Variants in IL1RN observed in about 807,000 individuals in gnomAD.
IL1RN encodes the protein interleukin-1 receptor antagonist protein.
In IL1RN, 10 loss-of-function variants were observed where a neutral mutation model predicts 13.7. The observed-to-expected ratio is 0.73, with a 90% CI of 0.45 to 1.24. The LOEUF (loss-of-function observed/expected upper bound fraction) is 1.24. Ranked by LOEUF, IL1RN falls within the 50% of genes most tolerant of loss-of-function variation. The pLI is 0.00. For missense variants in IL1RN, 213 were observed against 222.1 expected (o/e 0.96, Z 0.26); for synonymous variants, 102 against 82.7 (o/e 1.23, Z -1.27).
At chr2:113,116,542 C>T (rs895026251), upstream of IL1RN, among the ~76,000 whole-genome samples, 4 of 152,196 alleles carry the variant, frequency 2.6e-5, no homozygotes, top group African/African-American at 4.8e-5. Context: ...CCCCTCCCAC[C>T]CCCATTCAGG....
At chr2:113,127,096 C>T (rs3181051), upstream of IL1RN, among the ~76,000 whole-genome samples, 2,077 of 152,266 alleles carry the variant, frequency 0.014, 23 homozygotes, top group Non-Finnish European at 0.023. Flanking sequence ...GTAATCGTGG[C>T]GCACAAAACC....
At chr2:113,111,070 T>C (rs1686486714), upstream of IL1RN, 2 of 152,232 alleles carry the variant, frequency 1.3e-5, no homozygotes, top group Non-Finnish European at 1.5e-5. Flanking sequence ...TTTGACCACA[T>C]ACTGCCTTTC....
chr2:113,132,924 T>A lies in IL1RN; in HGVS notation c.*53T>A. 6.5e-7 allele frequency: 1 copy of A among 1,549,238 alleles called. No homozygotes were observed. On this transcript the variant is annotated 3_prime_UTR_variant, in exon 4 of 4. Transcript: ENST00000409930. Reference sequence around the variant, plus strand: ...CTTGCATGGCAAGGACTGCAGGGACTGCCAGTCCCCCTGCCCCAGGGCTCC... The same window carrying A: ...CTTGCATGGCAAGGACTGCAGGGACAGCCAGTCCCCCTGCCCCAGGGCTCC...
At chr2:113,128,537 G>A (rs1687047320) in intron 1 of IL1RN, among the ~76,000 whole-genome samples, 1 of 152,028 alleles carries the variant, frequency 6.6e-6, no homozygotes, top group African/African-American at 2.4e-5. Flanking sequence ...TGCTTCCCTA[G>A]GTTGCCTCTC....
At chr2:113,132,536 C>T in intron 3 of IL1RN, 120 bp from the exon 4 acceptor site, 1 of 866,604 alleles carries the variant, frequency 1.2e-6, no homozygotes, top group Non-Finnish European at 1.9e-6. Flanking sequence ...TAGGGTATGG[C>T]ATTTCCCCTG....
chr2:113,115,454 G>A (rs1341567019), upstream of IL1RN: 1 of 152,168 alleles, frequency 6.6e-6, no homozygotes, highest in Non-Finnish European at 1.5e-5. Flanking sequence ...CATTCCTGAT[G>A]CCTCCCTTTC....
At chr2:113,119,870 G>T (rs747315100) in intron 1 of IL1RN, among the ~76,000 whole-genome samples, 1 of 152,116 alleles carries the variant, frequency 6.6e-6, no homozygotes, top group Non-Finnish European at 1.5e-5. Flanking sequence ...TGTTTGCCCA[G>T]CACAGAACAG....
At chr2:113,124,007 G>T (rs1686869003), upstream of IL1RN, among the ~76,000 whole-genome samples, 1 of 152,164 alleles carries the variant, frequency 6.6e-6, no homozygotes, top group African/African-American at 2.4e-5. Flanking sequence ...GCAGTGCAGT[G>T]TCCCTCCTAA....
intron 2 of IL1RN, 82 bp from the exon 3 acceptor site, chr2:113,130,963 G>A: frequency 1.1e-6 from 1 of 881,448 alleles, no homozygotes; most frequent in South Asian, 1.3e-5. Flanking sequence ...GGGACCAGGG[G>A]AGATAGAAAA....
At chr2:113,121,362 C>A in intron 2 of IL1RN, 1 of 697,808 alleles carries the variant, frequency 1.4e-6, no homozygotes, top group Non-Finnish European at 1.8e-6. Context: ...GAAAGTGTAA[C>A]ACAGAGCCTA....
At chr2:113,103,486 G>A (rs763144549), upstream of IL1RN, among the ~76,000 whole-genome samples, 8 of 152,112 alleles carry the variant, frequency 5.3e-5, no homozygotes, top group South Asian at 2.1e-4. Context: ...GAGTGATGCC[G>A]CCATGAGGCA....
chr2:113,128,025 A>G (rs1214446207), intron 1 of IL1RN, among the ~76,000 whole-genome samples: 1 of 152,198 alleles, frequency 6.6e-6, no homozygotes, highest in East Asian at 1.9e-4. Context: ...ACTGCGATTC[A>G]GGCCTAGTTG....
Position 113,129,315 on chromosome 2 carries a change from T to C in IL1RN, c.117-261T>C, listed in dbSNP as rs145430156. ...TTTGCTGAAACAGAAGTGCCTTCCC[T>C]GGGAATCTCAGATGGGAAGCAAGTA... On this transcript the variant is annotated intron_variant, in intron 1 of 3. Transcript: ENST00000409930. Among the ~76,000 whole-genome samples the C allele has an allele frequency of 5.3e-5, 8 of 152,280 alleles. No individual in the cohort carries two copies. In the East Asian group the frequency reaches 1.5e-3, roughly 29 times the overall value.
At chr2:113,130,266 T>C in intron 2 of IL1RN, 1 of 163,298 alleles carries the variant, frequency 6.1e-6, no homozygotes, top group South Asian at 1.6e-4. Flanking sequence ...TACCTCCACC[T>C]TCCCACCTTC....
chr2:113,118,007 G>A, exon 1 of IL1RN: 2 of 1,525,026 alleles, frequency 1.3e-6, no homozygotes, highest in Non-Finnish European at 1.8e-6. Flanking sequence ...CCTGTCCTAT[G>A]AGGCCCTCCC....
chr2:113,123,808 TA>T (rs1217916713), upstream of IL1RN, among the ~76,000 whole-genome samples: 2 of 152,192 alleles, frequency 1.3e-5, no homozygotes, highest in Non-Finnish European at 2.9e-5. Flanking sequence ...TACTCAGATT[TA>T]AAACATAAGA....
upstream of IL1RN, among the ~76,000 whole-genome samples, chr2:113,104,941 A>G (rs571994563): frequency 5.9e-5 from 9 of 152,336 alleles, no homozygotes; most frequent in Admixed American, 4.6e-4. Flanking sequence ...TCTGATTTTG[A>G]GAAACTCCCA....
At chr2:113,132,602 C>A in intron 3 of IL1RN, 54 bp from the exon 4 acceptor site, 2 of 1,491,394 alleles carry the variant, frequency 1.3e-6, no homozygotes, top group Non-Finnish European at 1.9e-6. Flanking sequence ...GAGAGGGAGG[C>A]AGCACAGGAC....
chr2:113,101,929 G>A, the IL1RN span, among the ~76,000 whole-genome samples: 357 of 151,996 alleles, frequency 2.3e-3, 3 homozygotes, highest in Middle Eastern at 6.8e-3. Context: ...TATCACACCC[G>A]GCTAATTTTG....
Sources: allele counts gnomAD v4.1 joint callset (sites outside exome capture counted in the v4.1 genomes callset), GRCh38; gene constraint gnomAD v4.1.1; transcripts MANE v1.5; gene names NCBI Gene and HGNC (gene_info 2026-07-23, HGNC 2026-07-21).